SEC63: variants seen among roughly 807,000 people sequenced by gnomAD.
The protein encoded by SEC63 is translocation protein SEC63 homolog.
In SEC63, 56 loss-of-function variants were observed where a neutral mutation model predicts 116.2. The observed-to-expected ratio is 0.48, with a 90% CI of 0.39 to 0.60. The LOEUF (loss-of-function observed/expected upper bound fraction) is 0.60. Ranked by LOEUF, SEC63 falls within the 20% of genes least tolerant of loss-of-function variation. SEC63 has a pLI of 0.00. For synonymous variants in SEC63, 273 were observed against 294.6 expected, an observed-to-expected ratio of 0.93 and a Z score of 0.75; for missense variants, 668 against 900.0, an observed-to-expected ratio of 0.74 and a Z score of 3.30.
intron 1 of SEC63, among the ~76,000 whole-genome samples, chr6:107,935,914 C>T (rs1330578297): frequency 6.6e-6 from 1 of 152,128 alleles, no homozygotes; most frequent in African/African-American, 2.4e-5. Context: ...TGGAGTCAGA[C>T]GATGAGATGG....
intron 1 of SEC63, among the ~76,000 whole-genome samples, chr6:107,945,539 C>A (rs573904346): frequency 4.0e-5 from 6 of 151,830 alleles, no homozygotes; most frequent in Admixed American, 2.6e-4. Flanking sequence ...CTCTTGACCT[C>A]GTGATCCACC....
At chr6:107,928,402 T>C (rs1787724866) in intron 2 of SEC63, among the ~76,000 whole-genome samples, 1 of 151,270 alleles carries the variant, frequency 6.6e-6, no homozygotes, top group Non-Finnish European at 1.5e-5. Flanking sequence ...GGTGGGAGGA[T>C]GCCTGAGCCC....
At chr6:107,940,574 A>T (rs1051244236) in intron 1 of SEC63, among the ~76,000 whole-genome samples, 1 of 151,794 alleles carries the variant, frequency 6.6e-6, no homozygotes, top group Non-Finnish European at 1.5e-5. Flanking sequence ...GAAATTCACA[A>T]ATGTCCTCTG....
chr6:107,951,779 C>T (rs1236994696), intron 1 of SEC63, among the ~76,000 whole-genome samples: 1 of 151,848 alleles, frequency 6.6e-6, no homozygotes, highest in Non-Finnish European at 1.5e-5. Flanking sequence ...GTCAGGAGAT[C>T]AAGACCATCC....
intron 5 of SEC63, 25 bp from the exon 6 acceptor site, chr6:107,912,799 C>G: frequency 6.4e-7 from 1 of 1,553,854 alleles, no homozygotes; most frequent in Non-Finnish European, 8.9e-7. Flanking sequence ...ATATCAGTTT[C>G]TGAAGAATCT....
At chr6:107,911,184 T>A in intron 7 of SEC63, 162 bp downstream of exon 7, 1 of 642,558 alleles carries the variant, frequency 1.6e-6, no homozygotes, top group East Asian at 2.7e-5. Flanking sequence ...CTCAAACACC[T>A]AGGCTCAAGC....
intron 2 of SEC63, among the ~76,000 whole-genome samples, chr6:107,925,794 T>G (rs1210714786): frequency 6.6e-6 from 1 of 152,224 alleles, no homozygotes; most frequent in Admixed American, 6.5e-5. Flanking sequence ...CGGTCACAGA[T>G]GTAAATAAGA....
rs1583750066 is a variant in SEC63, at chr6:107,911,478, T to C, written c.574-82A>G. The C allele has an allele frequency of 2.3e-6, 2 of 888,252 alleles. 1 individual carries two copies. The highest frequency in any genetic ancestry group is 2.7e-5 in the South Asian group (2 of 73,356). 55.0% of individuals were successfully genotyped at this position (888,252 alleles called of 1,614,324 possible). On this transcript the variant is annotated intron_variant, in intron 6 of 20. Transcript: ENST00000369002. ...CATGAATTTATTTTGAGGCTTACAATGGGGGAGCCACTATTAAAAGGATTC... is the reference window on the plus strand; with the variant it reads ...CATGAATTTATTTTGAGGCTTACAACGGGGGAGCCACTATTAAAAGGATTC...
chr6:107,916,351 G>A (rs1787399247), intron 4 of SEC63, among the ~76,000 whole-genome samples: 1 of 152,170 alleles, frequency 6.6e-6, no homozygotes, highest in South Asian at 2.1e-4. Context: ...AGTCCTAATG[G>A]CACTGCTTTA....
chr6:107,903,438 T>C (rs1051416921), intron 11 of SEC63, among the ~76,000 whole-genome samples: 30 of 151,078 alleles, frequency 2.0e-4, no homozygotes, highest in Non-Finnish European at 2.5e-4. Flanking sequence ...ATGTGGCTCA[T>C]GACTGTAATC....
intron 4 of SEC63, among the ~76,000 whole-genome samples, chr6:107,921,196 T>TA (rs879351442): frequency 8.8e-4 from 127 of 144,550 alleles, no homozygotes; most frequent in Non-Finnish European, 1.2e-3. Flanking sequence ...AGATCAAGCC[T>TA]AAAAAAAAAA....
chr6:107,927,973 G>GA (rs1200127856), intron 2 of SEC63, among the ~76,000 whole-genome samples: 1 of 152,072 alleles, frequency 6.6e-6, no homozygotes, highest in Non-Finnish European at 1.5e-5. Flanking sequence ...ACAGTTGGGT[G>GA]AATCTTCCCA....
At position 107,908,936 on chromosome 6, in the gene SEC63, C is replaced by G; in HGVS notation, c.724G>C (p.Asp242His). The G allele has an allele frequency of 6.3e-7, 1 of 1,591,724 alleles. No individual in the cohort carries two copies. The highest frequency in any genetic ancestry group is 8.6e-7 in the Non-Finnish European group (1 of 1,160,086). ...TYFVYKTRNM[D>H]MKRLIMVLAG... is the part of the protein sequence containing the mutation. ...CTTAAAGTTTACTTACGTTTCATATCCATATTTCGGGTTTTATAAACAAAG... is the reference window on the plus strand; with the variant it reads ...CTTAAAGTTTACTTACGTTTCATATGCATATTTCGGGTTTTATAAACAAAG... The change falls in exon 8 of 21, where the codon GAT becomes CAT. Residue 242 changes from aspartate (D) to histidine (H), a missense_variant. This residue lies in a region of SEC63 where 430 missense variants were observed against 557.5 expected (regional missense o/e 0.77). Transcript: ENST00000369002.
At chr6:107,901,803 A>T (rs996857480) in intron 12 of SEC63, among the ~76,000 whole-genome samples, 1 of 152,116 alleles carries the variant, frequency 6.6e-6, no homozygotes, top group Non-Finnish European at 1.5e-5. Context: ...CTCAACCAAG[A>T]ACTTTGTCAA....
chr6:107,920,806 A>G (rs1787538910), intron 4 of SEC63, among the ~76,000 whole-genome samples: 1 of 152,140 alleles, frequency 6.6e-6, no homozygotes, highest in Admixed American at 6.6e-5. Context: ...AATGTTACAC[A>G]CTCTATTCTG....
At chr6:107,887,758 A>C (rs1786568683) in intron 16 of SEC63, among the ~76,000 whole-genome samples, 1 of 152,050 alleles carries the variant, frequency 6.6e-6, no homozygotes, top group African/African-American at 2.4e-5. Context: ...CTAAAAAAAA[A>C]ATTTTTTTGT....
intron 14 of SEC63, among the ~76,000 whole-genome samples, chr6:107,897,352 T>G (rs1363836406): frequency 6.6e-6 from 1 of 152,222 alleles, no homozygotes; most frequent in African/African-American, 2.4e-5. Context: ...GATGAAATTC[T>G]CATCAGTAAC....
chr6:107,907,992 C>T (rs1787182091), intron 8 of SEC63, among the ~76,000 whole-genome samples: 1 of 152,170 alleles, frequency 6.6e-6, no homozygotes, highest in African/African-American at 2.4e-5. Context: ...TCTGTATTAA[C>T]ATTTCAATCC....
chr6:107,931,497 A>T (rs1787805555), intron 1 of SEC63, among the ~76,000 whole-genome samples: 1 of 151,878 alleles, frequency 6.6e-6, no homozygotes, highest in East Asian at 1.9e-4. Context: ...AAAAAAAAAA[A>T]AAAATGTATT....
Sources: allele counts gnomAD v4.1 joint callset (sites outside exome capture counted in the v4.1 genomes callset), GRCh38; gene constraint gnomAD v4.1.1; regional missense constraint gnomAD v4.1.1; transcripts MANE v1.5; gene names NCBI Gene and HGNC (gene_info 2026-07-23, HGNC 2026-07-21).